The following FAAH2 variants were observed in gnomAD, a reference collection of about 807,000 sequenced individuals.
The protein encoded by FAAH2 is fatty-acid amide hydrolase 2.
Under a neutral mutation model 36.9 loss-of-function variants are expected in FAAH2, and 60 were observed. That is an observed-to-expected ratio of 1.63 (90% CI 1.32 to 2.02). The LOEUF (loss-of-function observed/expected upper bound fraction) is 2.02, where lower values mean the gene tolerates loss of function less well. FAAH2 is among the 30% of genes most tolerant of loss of function. The pLI is 0.00. For synonymous variants in FAAH2, 214 were observed against 143.8 expected (o/e 1.49, Z -3.49); for missense variants, 689 against 397.5 (o/e 1.73, Z -6.23).
At chrX:57,458,004 A>G (rs920840773) in intron 10 of FAAH2, among the ~76,000 whole-genome samples, 1 of 112,121 alleles carries the variant, frequency 8.9e-6, no homozygotes, top group East Asian at 2.8e-4. Flanking sequence ...TATTAATCAA[A>G]AAGAGCCAAT....
intron 5 of FAAH2, among the ~76,000 whole-genome samples, chrX:57,362,875 C>T (rs1039277301): frequency 9.0e-6 from 1 of 111,541 alleles, no homozygotes; most frequent in East Asian, 2.8e-4. Flanking sequence ...TGTGGAAGAC[C>T]AGGTTGTTAT....
intron 10 of FAAH2, among the ~76,000 whole-genome samples, chrX:57,485,106 G>A (rs925791218): frequency 3.6e-5 from 4 of 111,729 alleles, no homozygotes; most frequent in Admixed American, 2.8e-4. Context: ...CATTGGGTAG[G>A]GCAAGTCCCC....
the FAAH2 span, among the ~76,000 whole-genome samples, chrX:57,247,230 G>A: frequency 2.7e-5 from 3 of 111,161 alleles, no homozygotes; most frequent in African/African-American, 9.8e-5. Context: ...AACAGATAAT[G>A]CATTGGAAGA....
In FAAH2 at chrX:57,330,148, C is replaced by T. The variant is rs868328877; in HGVS notation, c.413-1450C>T. Among the ~76,000 whole-genome samples, 24 of 112,137 alleles carry T rather than the reference C, an allele frequency of 2.1e-4. No homozygotes were observed. In the Middle Eastern group the frequency reaches 0.019, roughly 87 times the overall value. The stretch of plus-strand genomic sequence containing the variant: ...AGGGAAAAAGAGAGATAACCTTAAA[C>T]TCTGACCACCGGTGAGCCGGGTGGA... On this transcript the variant is annotated intron_variant, in intron 3 of 10. Transcript: ENST00000374900.
intron 10 of FAAH2, among the ~76,000 whole-genome samples, chrX:57,468,766 C>T (rs1301619930): frequency 1.8e-5 from 2 of 111,025 alleles, no homozygotes; most frequent in African/African-American, 3.3e-5. Flanking sequence ...AGATACTCCT[C>T]GAGATGAGCA....
the FAAH2 span, among the ~76,000 whole-genome samples, chrX:57,265,636 A>G: frequency 1.8e-5 from 2 of 111,952 alleles, no homozygotes; most frequent in Non-Finnish European, 3.8e-5. Context: ...GGTAACTCCC[A>G]ACCAAGGCCT....
chrX:57,282,327 T>C (rs761234485), upstream of FAAH2, among the ~76,000 whole-genome samples: 2 of 112,387 alleles, frequency 1.8e-5, no homozygotes, highest in South Asian at 7.5e-4. Context: ...TTAGTGATGA[T>C]GAGCATTTTT....
intron 6 of FAAH2, among the ~76,000 whole-genome samples, chrX:57,380,012 G>A (rs1357757256): frequency 9.1e-6 from 1 of 109,703 alleles, no homozygotes; most frequent in Non-Finnish European, 1.9e-5. Flanking sequence ...ATATATTTTT[G>A]GGCTACATGA....
chrX:57,252,887 A>C, the FAAH2 span, among the ~76,000 whole-genome samples: 1 of 112,695 alleles, frequency 8.9e-6, no homozygotes, highest in Non-Finnish European at 1.9e-5. Context: ...CTTGCCAGCA[A>C]GGGCACAAAC....
chrX:57,218,900 G>A, the FAAH2 span, among the ~76,000 whole-genome samples: 4 of 111,426 alleles, frequency 3.6e-5, no homozygotes, highest in Admixed American at 3.8e-4. Flanking sequence ...TCTCTTCAGG[G>A]TATCTACTTC....
intron 5 of FAAH2, among the ~76,000 whole-genome samples, chrX:57,350,137 G>A (rs759931482): frequency 2.7e-5 from 3 of 110,892 alleles, no homozygotes; most frequent in South Asian, 3.8e-4. Flanking sequence ...CCCTGCTGAC[G>A]GTGAATACTA....
the FAAH2 span, among the ~76,000 whole-genome samples, chrX:57,145,751 G>T: frequency 9.0e-6 from 1 of 111,731 alleles, no homozygotes; most frequent in African/African-American, 3.3e-5. Context: ...GAGAGATGAG[G>T]ATCTAGTTTC....
intron 5 of FAAH2, among the ~76,000 whole-genome samples, chrX:57,352,952 A>G (rs2054063890): frequency 9.0e-6 from 1 of 110,961 alleles, no homozygotes; most frequent in South Asian, 3.7e-4. Context: ...AAGCAATTGA[A>G]GATTTCAAAA....
At chrX:57,414,534 A>G (rs1347745835) in intron 7 of FAAH2, among the ~76,000 whole-genome samples, 1 of 111,660 alleles carries the variant, frequency 9.0e-6, no homozygotes, top group African/African-American at 3.3e-5. Flanking sequence ...ATTTGTGTAT[A>G]TTGGACAAGC....
At chrX:57,392,281 A>T (rs1157625800) in intron 7 of FAAH2, among the ~76,000 whole-genome samples, 1 of 111,245 alleles carries the variant, frequency 9.0e-6, no homozygotes, top group Non-Finnish European at 1.9e-5. Context: ...TTAAATTTGG[A>T]TCCCTTTCCT....
chrX:57,438,218 T>G (rs28827315), intron 8 of FAAH2, among the ~76,000 whole-genome samples: 1 of 93,388 alleles, frequency 1.1e-5, no homozygotes, highest in Non-Finnish European at 2.1e-5. Flanking sequence ...TCACTATATA[T>G]ATATCAGTAT....
At chrX:57,381,984 C>G (rs1301911976) in intron 7 of FAAH2, among the ~76,000 whole-genome samples, 1 of 111,466 alleles carries the variant, frequency 9.0e-6, no homozygotes, top group South Asian at 3.8e-4. Flanking sequence ...TCTCTCAGAC[C>G]ATAGTGCAAA....
the FAAH2 span, chrX:57,135,556 A>T: frequency 2.1e-6 from 1 of 470,310 alleles, no homozygotes. Flanking sequence ...AACTTTATTC[A>T]CAGCCGAAAT....
At chrX:57,454,667 G>T (rs1194243730) in intron 10 of FAAH2, among the ~76,000 whole-genome samples, 1 of 112,047 alleles carries the variant, frequency 8.9e-6, no homozygotes, top group Non-Finnish European at 1.9e-5. Context: ...AGAATCTGAA[G>T]CATCAGCAGC....
Sources: gnomAD v4.1 joint callset for allele counts (sites outside exome capture counted in the v4.1 genomes callset) on GRCh38, gnomAD v4.1.1 for gene constraint, MANE v1.5 for transcripts, NCBI Gene and HGNC (gene_info 2026-07-23, HGNC 2026-07-21) for gene names.